Variants in COL25A1 observed in about 807,000 individuals in gnomAD.
The protein encoded by COL25A1 is collagen type XXV alpha 1 chain, also known as collagen alpha-1(XXV) chain.
In COL25A1, 103 loss-of-function variants were observed where a neutral mutation model predicts 128.4. That is an observed-to-expected ratio of 0.80 (90% CI 0.68 to 0.94). COL25A1 has a LOEUF of 0.94. Among genes scored for constraint, COL25A1 ranks in the 40% least tolerant of loss-of-function variants. The probability of loss-of-function intolerance (pLI) is 0.00; values close to 1 mark genes in which losing one functional copy is unlikely to be tolerated. For synonymous variants in COL25A1, 279 were observed against 277.2 expected (o/e 1.01, Z -0.06); for missense variants, 745 against 840.0 (o/e 0.89, Z 1.40).
intron 24 of COL25A1, among the ~76,000 whole-genome samples, chr4:108,856,786 T>A (rs1409863360): frequency 2.0e-5 from 3 of 152,118 alleles, no homozygotes; most frequent in African/African-American, 7.2e-5. Context: ...CGTTTCATAT[T>A]GAAATATAGG....
intron 8 of COL25A1, among the ~76,000 whole-genome samples, chr4:108,961,623 T>TCTGTC (rs1491201219): frequency 1.3e-5 from 2 of 151,420 alleles, no homozygotes; most frequent in African/African-American, 2.4e-5. Flanking sequence ...TCTGTTCTGT[T>TCTGTC]CTGTTGTTGT....
At chr4:109,211,157 G>A (rs1777469927) in intron 3 of COL25A1, among the ~76,000 whole-genome samples, 1 of 150,482 alleles carries the variant, frequency 6.6e-6, no homozygotes, top group Non-Finnish European at 1.5e-5. Context: ...AACCTGCATT[G>A]CATATGAACC....
chr4:108,992,568 T>C (rs764909654), intron 6 of COL25A1, among the ~76,000 whole-genome samples: 16 of 152,170 alleles, frequency 1.1e-4, no homozygotes, highest in Non-Finnish European at 2.1e-4. Context: ...CACAAATAAA[T>C]TGTTACAAAA....
chr4:109,252,658 C>G (rs1482301260), intron 3 of COL25A1, among the ~76,000 whole-genome samples: 2 of 152,222 alleles, frequency 1.3e-5, no homozygotes, highest in African/African-American at 4.8e-5. Context: ...CCTTCCAAGT[C>G]CCTGACTGTC....
chr4:108,985,187 C>T (rs532789838), intron 6 of COL25A1, among the ~76,000 whole-genome samples: 1 of 152,312 alleles, frequency 6.6e-6, no homozygotes, highest in African/African-American at 2.4e-5. Context: ...TCAGAGTCTT[C>T]TGTACCTTCA....
At chr4:109,126,212 C>T (rs959586178) in intron 3 of COL25A1, among the ~76,000 whole-genome samples, 2 of 152,054 alleles carry the variant, frequency 1.3e-5, no homozygotes, top group African/African-American at 4.8e-5. Context: ...GAAAAACATA[C>T]TTTCTTGATA....
chr4:109,062,764 T>C (rs1762090404), intron 3 of COL25A1, among the ~76,000 whole-genome samples: 1 of 152,200 alleles, frequency 6.6e-6, no homozygotes, highest in African/African-American at 2.4e-5. Context: ...AGCCTCCTCA[T>C]TAGACAATCA....
chr4:108,991,543 AATAAT>A (rs1754233804), intron 6 of COL25A1, among the ~76,000 whole-genome samples: 1 of 152,170 alleles, frequency 6.6e-6, no homozygotes, highest in African/African-American at 2.4e-5. Context: ...CACCACATAA[AATAAT>A]ATAACAGAAA....
intron 3 of COL25A1, among the ~76,000 whole-genome samples, chr4:109,238,998 A>T (rs544076298): frequency 2.2e-4 from 33 of 152,166 alleles, no homozygotes; most frequent in African/African-American, 7.7e-4. Flanking sequence ...GAACCCCTTC[A>T]TAGGCTAATC....
intron 3 of COL25A1, among the ~76,000 whole-genome samples, chr4:109,151,528 T>G (rs1223361667): frequency 2.6e-5 from 4 of 152,158 alleles, no homozygotes; most frequent in Non-Finnish European, 5.9e-5. Context: ...TAAAAAAAAT[T>G]CTTGATTTTC....
At chr4:109,153,843 G>A (rs987168024) in intron 3 of COL25A1, among the ~76,000 whole-genome samples, 11 of 152,096 alleles carry the variant, frequency 7.2e-5, no homozygotes, top group Admixed American at 7.2e-4. Context: ...TTCAATTGCT[G>A]TATACTACAA....
intron 3 of COL25A1, among the ~76,000 whole-genome samples, chr4:109,225,569 C>T (rs775085558): frequency 4.6e-5 from 7 of 152,126 alleles, no homozygotes; most frequent in Admixed American, 6.5e-5. Context: ...AAAAAGAGAA[C>T]TACCATTTGA....
At chr4:109,000,161 T>G (rs989264668) in intron 6 of COL25A1, among the ~76,000 whole-genome samples, 8 of 151,988 alleles carry the variant, frequency 5.3e-5, no homozygotes, top group Admixed American at 4.6e-4. Flanking sequence ...GAAAAAAGTG[T>G]TCATGAATAA....
intron 31 of COL25A1, among the ~76,000 whole-genome samples, chr4:108,835,487 A>C (rs529508171): frequency 6.6e-5 from 10 of 152,278 alleles, no homozygotes; most frequent in Admixed American, 3.9e-4. Context: ...CATTTTGAGT[A>C]TTTTGAGTTT....
At chr4:108,999,174 AG>A (rs1198227199) in intron 6 of COL25A1, among the ~76,000 whole-genome samples, 3 of 152,240 alleles carry the variant, frequency 2.0e-5, no homozygotes, top group Admixed American at 1.3e-4. Context: ...CAGAGTGAAC[AG>A]GTAACCTAAA....
intron 3 of COL25A1, among the ~76,000 whole-genome samples, chr4:109,240,425 C>A (rs1161075838): frequency 6.6e-6 from 1 of 151,992 alleles, no homozygotes; most frequent in African/African-American, 2.4e-5. Context: ...CTGTTCTAAG[C>A]ATTGTCATGC....
At chr4:109,121,413 T>C (rs1003134416) in intron 3 of COL25A1, among the ~76,000 whole-genome samples, 1 of 151,822 alleles carries the variant, frequency 6.6e-6, no homozygotes, top group African/African-American at 2.4e-5. Context: ...TACAAAGAAC[T>C]CCTAAAACTC....
chr4:109,126,095 G>A (rs559073734), intron 3 of COL25A1, among the ~76,000 whole-genome samples: 7 of 152,170 alleles, frequency 4.6e-5, no homozygotes, highest in African/African-American at 1.7e-4. Context: ...AAACATGTAT[G>A]TAAGAAAATT....
chr4:109,167,400 T>A (rs1773173289), intron 3 of COL25A1, among the ~76,000 whole-genome samples: 1 of 152,180 alleles, frequency 6.6e-6, no homozygotes, highest in Non-Finnish European at 1.5e-5. Context: ...TAATACAAAA[T>A]GAAGAAATAA....
Sources: gnomAD v4.1 joint callset for allele counts (sites outside exome capture counted in the v4.1 genomes callset) on GRCh38, gnomAD v4.1.1 for gene constraint, MANE v1.5 for transcripts, NCBI Gene and HGNC (gene_info 2026-07-23, HGNC 2026-07-21) for gene names.